Variants in DLGAP1 observed in about 807,000 individuals in gnomAD.
DLGAP1 encodes DLG associated protein 1.
Under a neutral mutation model 90.8 loss-of-function variants are expected in DLGAP1, and 11 were observed. That is an observed-to-expected ratio of 0.12 (90% CI 0.08 to 0.20). DLGAP1 has a LOEUF of 0.20. Among genes scored for constraint, DLGAP1 ranks in the 10% least tolerant of loss-of-function variants. The pLI, the probability that DLGAP1 is intolerant of heterozygous loss-of-function variation, is 1.00. For synonymous variants in DLGAP1, 558 were observed against 540.7 expected (o/e 1.03, Z -0.44); for missense variants, 1,050 against 1,333.8 (o/e 0.79, Z 3.31).
At chr18:3,713,808 G>A (rs1367629867) in intron 7 of DLGAP1, among the ~76,000 whole-genome samples, 9 of 152,192 alleles carry the variant, frequency 5.9e-5, no homozygotes, top group East Asian at 1.9e-4. Context: ...TTCAGTGGGT[G>A]TCCACGGTGG....
At chr18:3,931,101 GCTC>G (rs1330164388) in intron 3 of DLGAP1, among the ~76,000 whole-genome samples, 7 of 152,132 alleles carry the variant, frequency 4.6e-5, no homozygotes, top group Admixed American at 4.6e-4. Flanking sequence ...CCCACGAACT[GCTC>G]CTGCCTCCAC....
intron 7 of DLGAP1, among the ~76,000 whole-genome samples, chr18:3,640,875 A>T (rs1413820542): frequency 6.6e-6 from 1 of 152,226 alleles, no homozygotes; most frequent in Non-Finnish European, 1.5e-5. Context: ...AGACCTTATT[A>T]TGTATTATAC....
chr18:3,588,745 A>G (rs1398451247), intron 7 of DLGAP1, among the ~76,000 whole-genome samples: 1 of 148,072 alleles, frequency 6.8e-6, no homozygotes, highest in Non-Finnish European at 1.5e-5. Context: ...GCGCCACTGC[A>G]CTCCAGCCTG....
At chr18:3,830,770 A>T (rs1171002764) in intron 4 of DLGAP1, among the ~76,000 whole-genome samples, 1 of 152,216 alleles carries the variant, frequency 6.6e-6, no homozygotes, top group Non-Finnish European at 1.5e-5. Context: ...TTGTTTATAG[A>T]TCAGTCTCAC....
intron 5 of DLGAP1, among the ~76,000 whole-genome samples, chr18:3,772,706 A>G (rs572438855): frequency 6.6e-6 from 1 of 152,034 alleles, no homozygotes; most frequent in African/African-American, 2.4e-5. Flanking sequence ...TGTTTTTAAA[A>G]ACAGGCTATT....
At chr18:3,785,420 T>C (rs1159790850) in intron 5 of DLGAP1, among the ~76,000 whole-genome samples, 2 of 152,180 alleles carry the variant, frequency 1.3e-5, no homozygotes, top group East Asian at 3.9e-4. Context: ...AAAAAAGGCA[T>C]GCAACATTTA....
intron 7 of DLGAP1, among the ~76,000 whole-genome samples, chr18:3,651,727 C>G (rs926001643): frequency 6.6e-6 from 1 of 152,070 alleles, no homozygotes; most frequent in African/African-American, 2.4e-5. Flanking sequence ...AATCCCAGCA[C>G]TTTGGGAGGC....
At chr18:4,327,006 C>T (rs182960041) in intron 1 of DLGAP1, among the ~76,000 whole-genome samples, 189 of 152,000 alleles carry the variant, frequency 1.2e-3, no homozygotes, top group African/African-American at 4.3e-3. Context: ...CCTAAAGTCA[C>T]ATTTATAGAA....
chr18:4,225,302 G>A (rs2078162194), intron 1 of DLGAP1, among the ~76,000 whole-genome samples: 1 of 151,984 alleles, frequency 6.6e-6, no homozygotes, highest in African/African-American at 2.4e-5. Context: ...ACATCCCATA[G>A]ATACCTGGAA....
rs375264596 is a variant in DLGAP1 at position 3,600,877 on chromosome 18, T to G, written c.1592-18629A>C. Among the ~76,000 whole-genome samples the G allele has an allele frequency of 8.3e-3, 187 of 22,430 alleles. 32 individuals carry two copies. Among genetic ancestry groups the G allele is most frequent in the African/African-American group, 0.036 (174 of 4,830 alleles). 14.7% of individuals were successfully genotyped at this position (22,430 alleles called of 152,430 possible). On this transcript the variant is annotated intron_variant, in intron 7 of 12. Transcript: ENST00000315677. ...ATAGATATATATAGATATATAGATA[T>G]ATAGATAGATATATAGATATATATA... is the stretch of plus-strand genomic sequence containing the variant.
intron 3 of DLGAP1, among the ~76,000 whole-genome samples, chr18:3,996,790 G>A (rs1361155635): frequency 1.3e-5 from 2 of 151,916 alleles, no homozygotes; most frequent in Non-Finnish European, 2.9e-5. Context: ...TGTTTTCCAT[G>A]GTGCAGTTCA....
intron 8 of DLGAP1, among the ~76,000 whole-genome samples, chr18:3,568,055 T>C (rs1355646437): frequency 2.6e-5 from 4 of 152,234 alleles, no homozygotes; most frequent in African/African-American, 7.2e-5. Context: ...TGTGCCACCA[T>C]GTCCGGCTAA....
chr18:3,917,902 A>C (rs970811374), intron 3 of DLGAP1, among the ~76,000 whole-genome samples: 2 of 152,236 alleles, frequency 1.3e-5, no homozygotes, highest in African/African-American at 4.8e-5. Flanking sequence ...TGTGGATATG[A>C]AAGGGTAGTG....
At chr18:4,450,245 T>C (rs1452059926) in intron 1 of DLGAP1, among the ~76,000 whole-genome samples, 1 of 152,102 alleles carries the variant, frequency 6.6e-6, no homozygotes, top group African/African-American at 2.4e-5. Context: ...AGTCCAGAAA[T>C]AGACTCCACA....
intron 1 of DLGAP1, among the ~76,000 whole-genome samples, chr18:4,320,326 C>G (rs613326): frequency 1.3e-5 from 2 of 151,980 alleles, no homozygotes; most frequent in Non-Finnish European, 2.9e-5. Flanking sequence ...TCTAGATGCA[C>G]TCAAGCTGAA....
intron 1 of DLGAP1, among the ~76,000 whole-genome samples, chr18:4,204,240 T>C (rs536845754): frequency 6.6e-6 from 1 of 152,344 alleles, no homozygotes; most frequent in Admixed American, 6.5e-5. Context: ...AAGATAATCT[T>C]CTTTTTAAAA....
intron 1 of DLGAP1, among the ~76,000 whole-genome samples, chr18:4,434,637 G>C (rs1215910996): frequency 6.6e-6 from 1 of 152,142 alleles, no homozygotes; most frequent in African/African-American, 2.4e-5. Context: ...CCTGCAAGAG[G>C]CTGGTTCTTC....
At chr18:4,097,239 G>A (rs1052679037) in intron 2 of DLGAP1, among the ~76,000 whole-genome samples, 2 of 152,204 alleles carry the variant, frequency 1.3e-5, no homozygotes, top group African/African-American at 2.4e-5. Flanking sequence ...TGCTCAGTCC[G>A]TGGTGGGGAT....
In DLGAP1 at chr18:4,342,646, T is replaced by G. The variant is rs1241497194; in HGVS notation, c.-267+112360A>C. ...GGAAATTAGCTCTATTGAAAATGTA[T>G]TTGTTTTGGTTTTGGTTAATACTAC... On this transcript the variant is annotated intron_variant, in intron 1 of 12. Transcript: ENST00000315677. This position sits in a 1 kb window ranked among gnomAD's most constrained non-coding sequence, Gnocchi z 5.8. Among the ~76,000 whole-genome samples, 6 of 152,098 alleles carry G rather than the reference T, an allele frequency of 3.9e-5. No homozygotes were observed. Among genetic ancestry groups the G allele is most frequent in the Non-Finnish European group, 8.8e-5 (6 of 68,032 alleles).
Sources: allele counts gnomAD v4.1 joint callset (sites outside exome capture counted in the v4.1 genomes callset), GRCh38; gene constraint gnomAD v4.1.1; non-coding constraint Gnocchi (gnomAD v3.1); transcripts MANE v1.5; gene names NCBI Gene and HGNC (gene_info 2026-07-23, HGNC 2026-07-21).